The following PCNT variants were observed in gnomAD, a reference collection of about 807,000 sequenced individuals.
PCNT encodes the protein pericentrin.
In PCNT, 319 loss-of-function variants were observed where a neutral mutation model predicts 380.4. The ratio of observed to expected loss-of-function variants is 0.84; its 90% CI spans 0.77 to 0.92. The LOEUF is 0.92. PCNT is among the 40% of genes least tolerant of loss of function. The probability of loss-of-function intolerance (pLI) is 0.00; values close to 1 mark genes in which losing one functional copy is unlikely to be tolerated. For synonymous variants in PCNT, 1,845 were observed against 1,735.2 expected, an observed-to-expected ratio of 1.06 and a Z score of -1.57; for missense variants, 4,400 against 4,255.3, an observed-to-expected ratio of 1.03 and a Z score of -0.95.
In PCNT at chr21:46,427,735, C is replaced by G; in HGVS notation, c.7434C>G (p.Gly2478=). Residue 2478 remains glycine, a synonymous_variant, in exon 34 of 47, where the codon GGC becomes GGG. Transcript: ENST00000359568. ...TTGAGCTGCAGCCCCGACTCAGTGG[C>G]TCAGATCTGGGGGGTCACAGCTCCC... ...QGVELQPRLS[G]SDLGGHSSLL... 1 of 1,613,812 alleles carries G rather than the reference C, an allele frequency of 6.2e-7. No homozygotes were observed. The highest frequency in any genetic ancestry group is 8.5e-7 in the Non-Finnish European group (1 of 1,180,014).
chr21:46,394,597 C>T (rs1157380828), intron 21 of PCNT: 9 of 847,556 alleles, frequency 1.1e-5, no homozygotes, highest in Non-Finnish European at 1.3e-5. Flanking sequence ...CTGGATTTTG[C>T]AAATTATTTA....
In PCNT at chr21:46,364,639, C is replaced by T. The variant is rs540261578; in HGVS notation, c.2609+705C>T. Among the ~76,000 whole-genome samples, 18 of 152,278 alleles carry T rather than the reference C, an allele frequency of 1.2e-4. No individual in the cohort carries two copies. In the South Asian group the frequency reaches 3.7e-3, roughly 32 times the overall value. Reference sequence around the variant, plus strand: ...CATACACACTCTTCTTTGAAGTTTTCAAGAGGTTTAGAAAGTGATTGGGTT... The same window carrying T: ...CATACACACTCTTCTTTGAAGTTTTTAAGAGGTTTAGAAAGTGATTGGGTT... On this transcript the variant is annotated intron_variant, in intron 14 of 46. Transcript: ENST00000359568.
At chr21:46,436,866 C>T in intron 39 of PCNT, 113 bp from the exon 40 acceptor site, 1 of 806,702 alleles carries the variant, frequency 1.2e-6, no homozygotes, top group South Asian at 1.4e-5. Context: ...GATTCACACA[C>T]AGGCTCCTCA....
chr21:46,432,176 G>A lies in PCNT; in HGVS notation c.8712G>A (p.Ala2904=), dbSNP rs767301271. 29 of 1,612,684 alleles carry A rather than the reference G, an allele frequency of 1.8e-5. No individual in the cohort carries two copies. Among genetic ancestry groups the A allele is most frequent in the Admixed American group, 5.0e-5 (3 of 59,972 alleles). The change falls in exon 38 of 47, where the codon GCG becomes GCA. Residue 2904 remains alanine, a synonymous_variant. Coordinates refer to ENST00000359568, the MANE Select transcript of PCNT (RefSeq NM_006031.6). ...SAEARQSPAA[A]EQWRKWQRDK... is the part of the protein sequence containing the mutation. ...AGGCCAGGCAGAGCCCAGCGGCTGCGGAGCAGTGGAGGAAGTGGCAGAGAG... is the reference window on the plus strand; with the variant it reads ...AGGCCAGGCAGAGCCCAGCGGCTGCAGAGCAGTGGAGGAAGTGGCAGAGAG...
In PCNT at chr21:46,391,340, G is replaced by A. The variant is rs1188046984; in HGVS notation, c.4180G>A (p.Glu1394Lys). ...GTGCACCCGTCTGTGGAGTCGGGGGGAGGCCACAGCCACGGACGCCGAGGC... is the reference window on the plus strand; with the variant it reads ...GTGCACCCGTCTGTGGAGTCGGGGGAAGGCCACAGCCACGGACGCCGAGGC... ...EECTRLWSRGEATATDAEARE... is the reference protein window; with the variant it reads ...EECTRLWSRGKATATDAEARE... The change falls in exon 21 of 47, where the codon GAG becomes AAG. Residue 1394 changes from glutamate to lysine, a missense_variant. Transcript: ENST00000359568. The A allele has an allele frequency of 1.9e-6, 3 of 1,556,092 alleles. No individual in the cohort carries two copies. Among genetic ancestry groups the A allele is most frequent in the Non-Finnish European group, 1.7e-6 (2 of 1,149,874 alleles).
intron 38 of PCNT, among the ~76,000 whole-genome samples, chr21:46,435,274 G>T (rs2087919732): frequency 6.6e-6 from 1 of 152,104 alleles, no homozygotes; most frequent in South Asian, 2.1e-4. Context: ...TCGCCAGGCT[G>T]GAGTGCAGTG....
intron 21 of PCNT, chr21:46,394,464 TTC>T (rs1365030549): frequency 2.1e-6 from 2 of 959,000 alleles, no homozygotes; most frequent in East Asian, 1.1e-4. Context: ...AGCTGCACGT[TTC>T]TGTTTCCACC....
At chr21:46,326,353 C>G (rs753504732) in intron 1 of PCNT, 24 bp from the exon 2 acceptor site, 9 of 1,610,924 alleles carry the variant, frequency 5.6e-6, no homozygotes, top group Non-Finnish European at 7.6e-6. Context: ...TTTGCCTTTA[C>G]TACTTATCTA....
chr21:46,351,524 T>G lies in PCNT; in HGVS notation c.1440T>G (p.Ser480Arg). The G allele has an allele frequency of 6.3e-7, 1 of 1,598,692 alleles. No individual in the cohort carries two copies. Among genetic ancestry groups the G allele is most frequent in the Non-Finnish European group, 8.6e-7 (1 of 1,165,976 alleles). ...CCCAGCTTGATTCTGCCAGGACCAG[T>G]AGACAGGAATTGAGTGGTGAGGAAT... ...LWSQLDSART[S>R]RQELSELHEQ... Residue 480 changes from serine to arginine, a missense_variant, in exon 9 of 47, where the codon AGT (serine) becomes AGG (arginine). Coordinates refer to ENST00000359568, the MANE Select transcript of PCNT (RefSeq NM_006031.6).
In PCNT at chr21:46,381,749, G is replaced by C; in HGVS notation, c.3221G>C (p.Arg1074Pro). 2 of 1,614,050 alleles carry C rather than the reference G, an allele frequency of 1.2e-6. No homozygotes were observed. Among genetic ancestry groups the C allele is most frequent in the Non-Finnish European group, 1.7e-6 (2 of 1,179,898 alleles). The change falls in exon 16 of 47, where the codon CGG (arginine) becomes CCG (proline). Residue 1074 changes from arginine to proline, a missense_variant. Arg to Pro is a moderately radical substitution (Grantham distance 103, BLOSUM62 -2). Coordinates refer to ENST00000359568, the MANE Select transcript of PCNT (RefSeq NM_006031.6). ...TALHEKEETL[R>P]LQSAQAQPFH... is the part of the protein sequence containing the mutation. Reference sequence around the variant, plus strand: ...TTGCATGAAAAAGAGGAGACACTTCGGCTTCAGAGTGCACAGGCACAGCCT... The same window carrying C: ...TTGCATGAAAAAGAGGAGACACTTCCGCTTCAGAGTGCACAGGCACAGCCT...
At chr21:46,412,435 T>G (rs2086819962) in intron 28 of PCNT, among the ~76,000 whole-genome samples, 1 of 152,224 alleles carries the variant, frequency 6.6e-6, no homozygotes, top group Non-Finnish European at 1.5e-5. Context: ...CGATGAGCAG[T>G]GCCTGTGTGA....
At position 46,443,819 on chromosome 21, in the gene PCNT, C is replaced by A. The variant is rs769897793; in HGVS notation, c.9710C>A (p.Ala3237Glu). The change falls in exon 45 of 47, where the codon GCA (alanine) becomes GAA (glutamate). Residue 3237 changes from alanine (A) to glutamate (E), a missense_variant. By Grantham distance (107) the Ala-to-Glu change is moderately radical. Coordinates refer to ENST00000359568, the MANE Select transcript of PCNT (RefSeq NM_006031.6). ...QGKAPRPGPR[A>E]RQPQSPPRTR... ...AATAATTCTGGGGAAGGGCCCCGAG[C>A]ACGACAGCCGCAGTCTCCACCCAGA... The A allele has an allele frequency of 6.2e-7, 1 of 1,613,784 alleles. No homozygotes were observed. Among genetic ancestry groups the A allele is most frequent in the Admixed American group, 1.7e-5 (1 of 60,024 alleles).
Position 46,436,136 on chromosome 21 carries a change from A to G in PCNT, c.8984A>G (p.Gln2995Arg). 1 of 1,608,332 alleles carries G rather than the reference A, an allele frequency of 6.2e-7. No homozygotes were observed. The highest frequency in any genetic ancestry group is 8.5e-7 in the Non-Finnish European group (1 of 1,179,836). ...CGGCTTCTCACCAGCTTCACCAGCC[A>G]GGCCGTGGACAGGTGTGCACCCACG... ...AARLLTSFTS[Q>R]AVDRTVNDWT... The change falls in exon 39 of 47, where the codon CAG becomes CGG. Residue 2995 changes from glutamine to arginine, a missense_variant. By Grantham distance (43) the Gln-to-Arg change is conservative (BLOSUM62 1). Coordinates refer to ENST00000359568, the MANE Select transcript of PCNT (RefSeq NM_006031.6).
chr21:46,426,721 T>TC (rs1207216194), intron 33 of PCNT, among the ~76,000 whole-genome samples: 1 of 152,082 alleles, frequency 6.6e-6, no homozygotes, highest in Non-Finnish European at 1.5e-5. Context: ...ACCCCACTTT[T>TC]CCCCAAGTCC....
At chr21:46,434,758 C>T (rs867555026) in intron 38 of PCNT, among the ~76,000 whole-genome samples, 1 of 152,214 alleles carries the variant, frequency 6.6e-6, no homozygotes, top group African/African-American at 2.4e-5. Flanking sequence ...AGGCTCAGCC[C>T]CAGGGCTGCA....
intron 28 of PCNT, 41 bp downstream of exon 28, chr21:46,412,108 A>G: frequency 6.7e-7 from 1 of 1,491,410 alleles, no homozygotes; most frequent in Non-Finnish European, 9.2e-7. Context: ...ATTTTTTTTT[A>G]CTCTCCTTTT....
chr21:46,359,480 G>GTTTTTTT lies in PCNT; in HGVS notation c.2154+2293_2154+2299dup, dbSNP rs1478908165. Reference sequence around the variant, plus strand: ...TAGTATTCTGTCCAAAAATACACCTGTTTTTTTTTTGTTTTTTTTTTTTTT... The same window carrying GTTTTTTT: ...TAGTATTCTGTCCAAAAATACACCTGTTTTTTTTTTTTTTTTTGTTTTTTTTTTTTTT... On this transcript the variant is annotated intron_variant, in intron 13 of 46. Coordinates refer to ENST00000359568, the MANE Select transcript of PCNT (RefSeq NM_006031.6). 2.1e-3 allele frequency among the ~76,000 whole-genome samples: 139 copies of GTTTTTTT among 65,692 alleles called. 21 individuals carry two copies. Among genetic ancestry groups the GTTTTTTT allele is most frequent in the East Asian group, 6.0e-3 (13 of 2,172 alleles). 43.1% of individuals were successfully genotyped at this position (65,692 alleles called of 152,430 possible). A position where few individuals can be genotyped will look rare whatever the true frequency, so the allele number is the denominator to read the frequency against.
chr21:46,445,639 G>T lies in PCNT; in HGVS notation c.*312G>T. On this transcript the variant is annotated 3_prime_UTR_variant, in exon 47 of 47. Coordinates refer to ENST00000359568, the MANE Select transcript of PCNT (RefSeq NM_006031.6). ...GATCCATCCTTCCTGCCTCCAAGGAGGATACACAGAGAATGGCTTCCTGTT... is the reference window on the plus strand; with the variant it reads ...GATCCATCCTTCCTGCCTCCAAGGATGATACACAGAGAATGGCTTCCTGTT... 5.2e-6 allele frequency: 2 copies of T among 385,174 alleles called. No homozygotes were observed. The highest frequency in any genetic ancestry group is 9.3e-6 in the Non-Finnish European group (2 of 214,598). The allele number at this position is 385,174 out of a possible 1,614,324, so 23.9% of individuals were successfully genotyped here. A position where few individuals can be genotyped will look rare whatever the true frequency, so the allele number is the denominator to read the frequency against.
intron 3 of PCNT, among the ~76,000 whole-genome samples, chr21:46,340,317 G>A (rs1159486166): frequency 6.6e-6 from 1 of 152,212 alleles, no homozygotes; most frequent in Non-Finnish European, 1.5e-5. Flanking sequence ...TACAAGTCAA[G>A]ATGAGATTTG....
Sources: gnomAD v4.1 joint callset for allele counts (sites outside exome capture counted in the v4.1 genomes callset) on GRCh38, gnomAD v4.1.1 for gene constraint, MANE v1.5 for transcripts, NCBI Gene and HGNC (gene_info 2026-07-23, HGNC 2026-07-21) for gene names.